SNED1: variants seen among roughly 807,000 people sequenced by gnomAD.
SNED1 encodes sushi, nidogen and EGF-like domain-containing protein 1.
Under a neutral mutation model 166.7 loss-of-function variants are expected in SNED1, and 81 were observed. The observed-to-expected ratio is 0.49, with a 90% CI of 0.41 to 0.58. The LOEUF is 0.58. Ranked by LOEUF, SNED1 falls within the 20% of genes least tolerant of loss-of-function variation. The probability of loss-of-function intolerance (pLI) is 0.00; values close to 1 mark genes in which losing one functional copy is unlikely to be tolerated. For missense variants in SNED1, 1,604 were observed against 2,000.2 expected (o/e 0.80, Z 3.78); for synonymous variants, 762 against 822.0 (o/e 0.93, Z 1.25).
chr2:241,022,122 A>G (rs2060793215), intron 1 of SNED1, among the ~76,000 whole-genome samples: 1 of 152,178 alleles, frequency 6.6e-6, no homozygotes, highest in Non-Finnish European at 1.5e-5. Context: ...TATCTTCTAG[A>G]TATATATCCC....
chr2:241,081,786 C>T lies in SNED1; in HGVS notation c.4026C>T (p.Cys1342=), dbSNP rs778725955. The T allele has an allele frequency of 1.1e-5, 17 of 1,584,692 alleles. No homozygotes were observed. Among genetic ancestry groups the T allele is most frequent in the East Asian group, 4.6e-5 (2 of 43,332 alleles). The change falls in exon 28 of 32, where the codon TGC becomes TGT. Residue 1342 remains cysteine (C), a synonymous_variant. Coordinates refer to ENST00000310397, the MANE Select transcript of SNED1 (RefSeq NM_001080437.3). The part of the protein sequence containing the change: ...DCGPGFKGRR[C]ELACIKVSRP... ...GGCCAGGGTTCAAAGGCAGACGCTG[C>T]GAGCTCGGTAAGTCGGGGCTTGGCC... is the stretch of plus-strand genomic sequence containing the variant.
At chr2:241,032,611 G>C (rs2061223215) in intron 2 of SNED1, among the ~76,000 whole-genome samples, 2 of 152,098 alleles carry the variant, frequency 1.3e-5, no homozygotes, top group African/African-American at 4.8e-5. Context: ...TTGTGCACAT[G>C]TACCCTAGAA....
At position 241,073,236 on chromosome 2, in the gene SNED1, G is replaced by A. The variant is rs370019743; in HGVS notation, c.3818-30G>A. ...ACCATCCCGGGTGCAAAGCAGCTGCGCCGTGTGGTCACCGCCTGGCTTCTC... is the reference window on the plus strand; with the variant it reads ...ACCATCCCGGGTGCAAAGCAGCTGCACCGTGTGGTCACCGCCTGGCTTCTC... On this transcript the variant is annotated intron_variant, in intron 26 of 31. Coordinates refer to ENST00000310397, the MANE Select transcript of SNED1 (RefSeq NM_001080437.3). This position sits in a 1 kb window ranked among gnomAD's most constrained non-coding sequence, Gnocchi z 6.6. 246 of 1,516,320 alleles carry A rather than the reference G, an allele frequency of 1.6e-4. No homozygotes were observed. The highest frequency in any genetic ancestry group is 1.7e-4 in the Non-Finnish European group (193 of 1,116,102). 93.9% of individuals were successfully genotyped at this position (1,516,320 alleles called of 1,614,324 possible). A position where few individuals can be genotyped will look rare whatever the true frequency, so the allele number is the denominator to read the frequency against.
chr2:241,050,322 CCTT>C (rs2061798700), intron 12 of SNED1, among the ~76,000 whole-genome samples: 1 of 152,292 alleles, frequency 6.6e-6, no homozygotes, highest in South Asian at 2.1e-4. Context: ...ATAGAAGTGT[CCTT>C]CTGTAAGCAC....
At position 241,018,217 on chromosome 2, in the gene SNED1, C is replaced by T. The variant is rs1318677993; in HGVS notation, c.214-12067C>T. Among the ~76,000 whole-genome samples the T allele has an allele frequency of 6.6e-6, 1 of 152,236 alleles. No homozygotes were observed. Among genetic ancestry groups the T allele is most frequent in the East Asian group, 1.9e-4 (1 of 5,200 alleles). On this transcript the variant is annotated intron_variant, in intron 1 of 31. Coordinates refer to ENST00000310397, the MANE Select transcript of SNED1 (RefSeq NM_001080437.3). This position sits in a 1 kb window ranked among gnomAD's most constrained non-coding sequence, Gnocchi z 5.4. ...CGCATTTGCAGCTTTGGTCACCATA[C>T]ACGACGTAACCCACAGGCGCTCAGA...
At chr2:241,043,962 G>T (rs1214257768) in intron 8 of SNED1, among the ~76,000 whole-genome samples, 1 of 152,190 alleles carries the variant, frequency 6.6e-6, no homozygotes, top group Admixed American at 6.5e-5. Context: ...ATATTGTAAG[G>T]TCCCTATATT....
chr2:241,022,407 G>T (rs1226856008), intron 1 of SNED1, among the ~76,000 whole-genome samples: 2 of 152,076 alleles, frequency 1.3e-5, no homozygotes. Context: ...TTTGTATATG[G>T]TGTGAGGTAG....
chr2:241,037,156 C>T (rs1181812963), intron 5 of SNED1, 84 bp from the exon 6 acceptor site: 40 of 1,238,788 alleles, frequency 3.2e-5, no homozygotes, highest in East Asian at 1.5e-4. Flanking sequence ...GCTCCTCCTC[C>T]GTCCCCGGCC....
At chr2:241,004,488 A>G (rs982239649) in intron 1 of SNED1, among the ~76,000 whole-genome samples, 7 of 152,054 alleles carry the variant, frequency 4.6e-5, no homozygotes, top group African/African-American at 1.7e-4. Context: ...AAATAATTTC[A>G]TATTATCTAT....
intron 21 of SNED1, among the ~76,000 whole-genome samples, chr2:241,067,480 C>T (rs935360414): frequency 6.6e-6 from 1 of 152,238 alleles, no homozygotes; most frequent in African/African-American, 2.4e-5. Flanking sequence ...ATGTCACTGC[C>T]ACATCTAAAT....
Position 241,082,260 on chromosome 2 carries a change from G to C in SNED1, c.4034-17G>C. The stretch of plus-strand genomic sequence containing the variant: ...CGTCAGGAGCACCTGGTGAGCCACT[G>C]CCCTTCTTTGTCGCAGCCTGTATAA... On this transcript the variant is annotated splice_polypyrimidine_tract_variant and intron_variant, in intron 28 of 31. Transcript: ENST00000310397. 6.3e-7 allele frequency: 1 copy of C among 1,591,998 alleles called. No homozygotes were observed. The highest frequency in any genetic ancestry group is 8.6e-7 in the Non-Finnish European group (1 of 1,161,696).
intron 20 of SNED1, among the ~76,000 whole-genome samples, 165 bp from the exon 21 acceptor site, chr2:241,065,134 G>T (rs908890733): frequency 1.3e-5 from 2 of 152,092 alleles, no homozygotes; most frequent in African/African-American, 4.8e-5. Context: ...ACATTCAAAA[G>T]TGTGACCCTC....
intron 27 of SNED1, among the ~76,000 whole-genome samples, chr2:241,079,588 G>A (rs78494558): frequency 0.031 from 4,680 of 152,162 alleles, 321 homozygotes; most frequent in East Asian, 0.23. Context: ...GGAGATCGGC[G>A]AGGCTTCTCT....
At chr2:241,052,278 C>T (rs1574993793) in intron 14 of SNED1, 77 bp from the exon 15 acceptor site, 4 of 1,433,844 alleles carry the variant, frequency 2.8e-6, no homozygotes, top group East Asian at 2.3e-5. Context: ...GAGCTGGGTG[C>T]AGGAGGCAGG....
chr2:241,011,386 C>G (rs544379541), intron 1 of SNED1, among the ~76,000 whole-genome samples: 6 of 152,298 alleles, frequency 3.9e-5, no homozygotes, highest in Non-Finnish European at 7.4e-5. Flanking sequence ...AGGCTGGCCT[C>G]AGGCCCCAGA....
Position 241,049,822 on chromosome 2 carries a change from C to T in SNED1, c.1624C>T (p.Pro542Ser). Residue 542 changes from proline (P) to serine (S), a missense_variant, in exon 12 of 32, where the codon CCA (proline) becomes TCA (serine). Coordinates refer to ENST00000310397, the MANE Select transcript of SNED1 (RefSeq NM_001080437.3). The stretch of plus-strand genomic sequence containing the variant: ...CCTCTGTCCCCCGCCCCCAGCCCTG[C>T]CATCACCCTGCGACTCGGACCCCTG... The part of the protein sequence containing the change: ...HTDHNASHSL[P>S]SPCDSDPCFN... 1 of 1,613,322 alleles carries T rather than the reference C, an allele frequency of 6.2e-7. No homozygotes were observed. Among genetic ancestry groups the T allele is most frequent in the Non-Finnish European group, 8.5e-7 (1 of 1,179,416 alleles).
intron 1 of SNED1, among the ~76,000 whole-genome samples, chr2:241,008,225 G>A (rs1425465146): frequency 6.6e-6 from 1 of 152,252 alleles, no homozygotes; most frequent in African/African-American, 2.4e-5. Context: ...AACAGAGTCA[G>A]TGCCGTGACC....
intron 15 of SNED1, 53 bp downstream of exon 15, chr2:241,052,521 G>C (rs879808404): frequency 1.4e-5 from 19 of 1,391,144 alleles, no homozygotes; most frequent in South Asian, 2.4e-5. Flanking sequence ...GTGCCAGGCA[G>C]GTGAGATGGC....
chr2:241,003,723 G>GCC (rs2060138990), intron 1 of SNED1, among the ~76,000 whole-genome samples: 2 of 152,222 alleles, frequency 1.3e-5, no homozygotes, highest in South Asian at 4.1e-4. Context: ...TGTCTGCACT[G>GCC]CCCCACCTCT....
Sources: gnomAD v4.1 joint callset for allele counts (sites outside exome capture counted in the v4.1 genomes callset) on GRCh38, gnomAD v4.1.1 for gene constraint, Gnocchi (gnomAD v3.1) non-coding constraint, MANE v1.5 for transcripts, NCBI Gene and HGNC (gene_info 2026-07-23, HGNC 2026-07-21) for gene names.